Variants in VSIG4 observed in about 807,000 individuals in gnomAD.
The protein encoded by VSIG4 is V-set and immunoglobulin domain containing 4.
In VSIG4, 34 loss-of-function variants were observed where a neutral mutation model predicts 23.4. The ratio of observed to expected loss-of-function variants is 1.45; its 90% CI spans 1.10 to 1.93. The LOEUF is 1.93. Ranked by LOEUF, VSIG4 falls within the 30% of genes most tolerant of loss-of-function variation. The pLI is 0.00. For synonymous variants in VSIG4, 169 were observed against 120.3 expected (o/e 1.41, Z -2.65); for missense variants, 433 against 310.8 (o/e 1.39, Z -2.96).
At chrX:66,024,379 G>A (rs2085366031) in intron 6 of VSIG4, among the ~76,000 whole-genome samples, 1 of 111,769 alleles carries the variant, frequency 8.9e-6, no homozygotes, top group East Asian at 2.8e-4. Flanking sequence ...TCTATAATCA[G>A]GAATAAGCTT....
Position 66,022,164 on chromosome X carries a change from G to A in VSIG4, c.*99C>T, listed in dbSNP as rs1348872767. The A allele has an allele frequency of 1.0e-5, 12 of 1,205,504 alleles. No homozygotes were observed. Among genetic ancestry groups the A allele is most frequent in the Non-Finnish European group, 1.3e-5 (12 of 892,318 alleles). On this transcript the variant is annotated 3_prime_UTR_variant, in exon 8 of 8. Coordinates refer to ENST00000374737, the MANE Select transcript of VSIG4 (RefSeq NM_007268.3). ...TCCAGTGTTGGTAGGCGGACACTTT[G>A]GGCTATCCAGGAAGAGAGGTAGCAG...
intron 3 of VSIG4, 42 bp from the exon 4 acceptor site, chrX:66,028,154 T>C: frequency 8.9e-6 from 10 of 1,129,684 alleles, no homozygotes; most frequent in Non-Finnish European, 1.2e-5. Context: ...CTGGTACCCT[T>C]TGGTGAATAG....
intron 7 of VSIG4, 106 bp downstream of exon 7, chrX:66,022,735 T>C: frequency 8.4e-7 from 1 of 1,191,050 alleles, no homozygotes; most frequent in Non-Finnish European, 1.1e-6. Flanking sequence ...GCCTCCGGCC[T>C]TAGGATTGGG....
At chrX:66,034,630 G>A (rs973793447) in intron 1 of VSIG4, among the ~76,000 whole-genome samples, 9 of 110,547 alleles carry the variant, frequency 8.1e-5, no homozygotes, top group Non-Finnish European at 1.5e-4. Context: ...ATCTTGAGGG[G>A]GAAAAGATTG....
rs1231291158 is a variant in VSIG4, at chrX:66,032,617, G to T, written c.545C>A (p.Thr182Asn). The T allele has an allele frequency of 1.7e-6, 2 of 1,209,669 alleles. No individual in the cohort carries two copies. The highest frequency in any genetic ancestry group is 2.2e-6 in the Non-Finnish European group (2 of 895,142). The change falls in exon 3 of 8, where the codon ACT becomes AAT. Residue 182 changes from threonine to asparagine, a missense_variant. Coordinates refer to ENST00000374737, the MANE Select transcript of VSIG4 (RefSeq NM_007268.3). The part of the protein sequence containing the change: ...PISYIWYKQQ[T>N]NNQEPIKVAT... Reference sequence around the variant, plus strand: ...TACTTTGATGGGTTCCTGGTTATTAGTCTGTTGCTTATACCAAATATAACT... The same window carrying T: ...TACTTTGATGGGTTCCTGGTTATTATTCTGTTGCTTATACCAAATATAACT...
intron 3 of VSIG4, 148 bp downstream of exon 3, chrX:66,032,320 T>C: frequency 1.5e-6 from 1 of 684,340 alleles, no homozygotes; most frequent in Non-Finnish European, 2.1e-6. Context: ...TTGTCCCCAG[T>C]CCAAGTTTTT....
chrX:66,031,297 C>A (rs937422229), intron 3 of VSIG4, among the ~76,000 whole-genome samples: 7 of 110,274 alleles, frequency 6.3e-5, no homozygotes, highest in African/African-American at 2.0e-4. Context: ...TCTGGTCACG[C>A]CCTGCCCTCT....
rs1372464789 is a variant in VSIG4 at position 66,022,449 on chromosome X, G to C, written c.1014C>G (p.Ile338Met). Residue 338 changes from isoleucine (I) to methionine (M), a missense_variant, in exon 8 of 8, where the codon ATC becomes ATG. Physicochemically the swap from Ile to Met is conservative, Grantham distance 10 (BLOSUM62 1). Coordinates refer to ENST00000374737, the MANE Select transcript of VSIG4 (RefSeq NM_007268.3). ...CATCACTGGAGCAGCCACTTGCGAA[G>C]ATGGCCACCCTCATGGTTTCTCCAG... ...NDSGETMRVA[I>M]FASGCSSDEP... is the part of the protein sequence containing the mutation. 6 of 1,212,107 alleles carry C rather than the reference G, an allele frequency of 5.0e-6. No homozygotes were observed. Among genetic ancestry groups the C allele is most frequent in the Middle Eastern group, 4.7e-4 (2 of 4,271 alleles).
chrX:66,022,498 G>A lies in VSIG4; in HGVS notation c.965C>T (p.Ala322Val). The A allele has an allele frequency of 8.3e-7, 1 of 1,210,938 alleles. No homozygotes were observed. The highest frequency in any genetic ancestry group is 1.7e-5 in the African/African-American group (1 of 58,017). The stretch of plus-strand genomic sequence containing the variant: ...AGAGTCGTTGGCCTCTCTGGCATGT[G>A]CCCTATGGCCCAAGAGCCCACCACC... ...QQEHVYEAAR[A>V]HAREANDSGE... The change falls in exon 8 of 8, where the codon GCA (alanine) becomes GTA (valine). Residue 322 changes from alanine (A) to valine (V), a missense_variant and splice_region_variant. Ala to Val is a moderately conservative substitution (Grantham distance 64). Coordinates refer to ENST00000374737, the MANE Select transcript of VSIG4 (RefSeq NM_007268.3).
At chrX:66,031,260 C>A (rs1293384878) in intron 3 of VSIG4, among the ~76,000 whole-genome samples, 2 of 111,068 alleles carry the variant, frequency 1.8e-5, no homozygotes, top group African/African-American at 6.6e-5. Context: ...CAATTAGTCT[C>A]TTTATGAAGT....
chrX:66,038,185 A>G (rs2085641285), intron 1 of VSIG4, among the ~76,000 whole-genome samples: 1 of 111,716 alleles, frequency 9.0e-6, no homozygotes, highest in East Asian at 2.8e-4. Context: ...CCCCACAGGA[A>G]GAGGCTAGCA....
Position 66,039,930 on chromosome X carries a change from C to A in VSIG4, c.55+14G>T, listed in dbSNP as rs188103217. ...AAGCCAGCAATGGCAGCCAGGCCCC[C>A]CTTTCTGCCTTACCATAAGTGTCCA... On this transcript the variant is annotated intron_variant, in intron 1 of 7. Coordinates refer to ENST00000374737, the MANE Select transcript of VSIG4 (RefSeq NM_007268.3). 1.1e-4 allele frequency: 135 copies of A among 1,209,316 alleles called. No individual in the cohort carries two copies. The African/African-American group carries it at 2.1e-3, about 18-fold the overall frequency.
At chrX:66,038,227 G>C (rs1434551195) in intron 1 of VSIG4, among the ~76,000 whole-genome samples, 1 of 111,686 alleles carries the variant, frequency 9.0e-6, no homozygotes, top group African/African-American at 3.3e-5. Flanking sequence ...GTTTTTAGCA[G>C]TGAAGCTGCA....
At chrX:66,038,380 A>G (rs1044731763) in intron 1 of VSIG4, among the ~76,000 whole-genome samples, 3 of 110,343 alleles carry the variant, frequency 2.7e-5, no homozygotes, top group Non-Finnish European at 5.7e-5. Context: ...CCTGAGGTCT[A>G]TAGTATAAGA....
chrX:66,037,534 C>CA (rs1491226488), intron 1 of VSIG4, among the ~76,000 whole-genome samples: 2 of 13,669 alleles, frequency 1.5e-4, no homozygotes, highest in South Asian at 1.7e-3. Context: ...ATAATATATT[C>CA]ATAATATATT....
At position 66,025,034 on chromosome X, in the gene VSIG4, A is replaced by T. The variant is rs764129507; in HGVS notation, c.931T>A (p.Ser311Thr). Residue 311 changes from serine (S) to threonine (T), a missense_variant, in exon 6 of 8, where the codon TCC (serine) becomes ACC (threonine). By Grantham distance (58) the Ser-to-Thr change is moderately conservative. Transcript: ENST00000374737. ...CATATTCATCACTAACCTTGTTGGG[A>T]TGTCTTCCGACAGAGCATGATATAG... ...MAYIMLCRKTSQQEHVYEAAR... is the reference protein window; with the variant it reads ...MAYIMLCRKTTQQEHVYEAAR... 1 of 1,189,856 alleles carries T rather than the reference A, an allele frequency of 8.4e-7. No individual in the cohort carries two copies. The highest frequency in any genetic ancestry group is 3.0e-5 in the East Asian group (1 of 33,294).
At chrX:66,032,262 T>A (rs755353121) in intron 3 of VSIG4, among the ~76,000 whole-genome samples, 14 of 112,014 alleles carry the variant, frequency 1.2e-4, no homozygotes, top group African/African-American at 4.5e-4. Context: ...TCCTTTACCG[T>A]CTTTATCTAC....
Position 66,028,468 on chromosome X carries a change from G to C in VSIG4, c.695-356C>G, listed in dbSNP as rs368572739. ...AGTATCATAAAGAAAGTGGCAATGG[G>C]TGACATCAGTGAAAATGGTGACATA... On this transcript the variant is annotated intron_variant, in intron 3 of 7. Coordinates refer to ENST00000374737, the MANE Select transcript of VSIG4 (RefSeq NM_007268.3). 6.4e-5 allele frequency among the ~76,000 whole-genome samples: 7 copies of C among 109,932 alleles called. No individual in the cohort carries two copies. The East Asian group carries it at 2.0e-3, about 31-fold the overall frequency.
intron 3 of VSIG4, among the ~76,000 whole-genome samples, chrX:66,029,253 A>G (rs929784288): frequency 9.0e-6 from 1 of 111,716 alleles, no homozygotes; most frequent in Non-Finnish European, 1.9e-5. Context: ...AGAAGGTTAC[A>G]CCTTTTGAGA....
Sources: allele counts gnomAD v4.1 joint callset (sites outside exome capture counted in the v4.1 genomes callset), GRCh38; gene constraint gnomAD v4.1.1; transcripts MANE v1.5; gene names NCBI Gene and HGNC (gene_info 2026-07-23, HGNC 2026-07-21).